MAEA: variants seen among roughly 807,000 people sequenced by gnomAD.
MAEA encodes the protein E3 ubiquitin-protein transferase MAEA.
In MAEA, 22 loss-of-function variants were observed where a neutral mutation model predicts 46.2. The observed-to-expected ratio is 0.48, with a 90% CI of 0.34 to 0.68. MAEA has a LOEUF of 0.68. MAEA is among the 30% of genes least tolerant of loss of function. The probability of loss-of-function intolerance (pLI) is 0.01; values close to 1 mark genes in which losing one functional copy is unlikely to be tolerated. For missense variants in MAEA, 393 were observed against 558.1 expected (o/e 0.70, Z 2.98); for synonymous variants, 246 against 222.6 (o/e 1.11, Z -0.94).
chr4:1,323,731 G>T, intron 4 of MAEA: 1 of 656,902 alleles, frequency 1.5e-6, no homozygotes, highest in South Asian at 1.6e-5. Flanking sequence ...GGGAAGATAG[G>T]TTCTTGGTGC....
rs909836381 is a variant in MAEA, at chr4:1,335,132, A to G, written c.766-1729A>G. 5.1e-6 allele frequency: 5 copies of G among 985,200 alleles called. No homozygotes were observed. The African/African-American group carries it at 8.7e-5, about 17-fold the overall frequency. The allele number at this position is 985,200 out of a possible 1,614,324, so 61.0% of individuals were successfully genotyped here. ...GCTCTCTCTCTTAAGTCTAAACCTG[A>G]GGTTATTTAGGGACAGACATTCATC... On this transcript the variant is annotated intron_variant, in intron 6 of 8. Transcript: ENST00000303400.
rs979459350 is a variant in MAEA at position 1,309,401 on chromosome 4, G to A, written c.70-2578G>A. On this transcript the variant is annotated intron_variant, in intron 1 of 8. Transcript: ENST00000303400. ...GGGAGCTTTTAGGGCCCGGAGTCAC[G>A]TGCTGAGTCCCCCGGAAGAGGAGGC... is the stretch of plus-strand genomic sequence containing the variant. The A allele has an allele frequency of 4.6e-5, 58 of 1,262,292 alleles. No individual in the cohort carries two copies. In the East Asian group the frequency reaches 1.7e-3, roughly 36 times the overall value. The allele number at this position is 1,262,292 out of a possible 1,614,324, so 78.2% of individuals were successfully genotyped here. A position where few individuals can be genotyped will look rare whatever the true frequency, so the allele number is the denominator to read the frequency against.
intron 4 of MAEA, 81 bp from the exon 5 acceptor site, chr4:1,327,546 G>A: frequency 2.2e-6 from 2 of 919,110 alleles, no homozygotes; most frequent in Non-Finnish European, 3.6e-6. Context: ...GGGTCTGCTG[G>A]TGGACATGCG....
chr4:1,317,835 C>G (rs1052737095), intron 3 of MAEA, among the ~76,000 whole-genome samples: 2 of 152,108 alleles, frequency 1.3e-5, no homozygotes, highest in Non-Finnish European at 2.9e-5. Flanking sequence ...GTTGAGTTTC[C>G]GAAGTCTCCA....
At chr4:1,298,042 C>T (rs868251936) in intron 1 of MAEA, 1 of 456,208 alleles carries the variant, frequency 2.2e-6, no homozygotes, top group African/African-American at 2.0e-5. Context: ...CCGGTTGCTG[C>T]CTGGAGTGGG....
At chr4:1,328,183 T>C (rs1251032379) in intron 5 of MAEA, among the ~76,000 whole-genome samples, 1 of 152,222 alleles carries the variant, frequency 6.6e-6, no homozygotes, top group Non-Finnish European at 1.5e-5. Flanking sequence ...TTCTCCGGCC[T>C]GTCTCCGACC....
At chr4:1,309,306 C>T (rs1038731735) in intron 1 of MAEA, 10 of 500,406 alleles carry the variant, frequency 2.0e-5, no homozygotes, top group African/African-American at 1.4e-4. Flanking sequence ...TCCACTCACT[C>T]GGTCACCAAA....
At chr4:1,290,614 G>T (rs1178324888) in intron 1 of MAEA, among the ~76,000 whole-genome samples, 1 of 152,210 alleles carries the variant, frequency 6.6e-6, no homozygotes. Context: ...GTTAGTAGAG[G>T]ATTTGATATG....
chr4:1,304,957 C>CT (rs1370323031), intron 1 of MAEA, among the ~76,000 whole-genome samples: 1 of 152,080 alleles, frequency 6.6e-6, no homozygotes, highest in Non-Finnish European at 1.5e-5. Context: ...TGGCTTTATC[C>CT]TTTTTTTATC....
chr4:1,327,606 T>C, intron 4 of MAEA, 21 bp from the exon 5 acceptor site: 1 of 1,600,506 alleles, frequency 6.2e-7, no homozygotes, highest in Non-Finnish European at 8.6e-7. Context: ...GTCTAAGCCC[T>C]CGTCTTGTCT....
Position 1,337,003 on chromosome 4 carries a change from C to T in MAEA, c.899+9C>T, listed in dbSNP as rs201892935. On this transcript the variant is annotated intron_variant, in intron 7 of 8. Coordinates refer to ENST00000303400, the MANE Select transcript of MAEA (RefSeq NM_001017405.3). ...TCAGCCATCAAGACACCGTATCCTA[C>T]CTCCCGTGCGCAGTGCGGTTTGGCC... 1.2e-5 allele frequency: 19 copies of T among 1,613,356 alleles called. No individual in the cohort carries two copies. In the East Asian group the frequency reaches 2.2e-4, roughly 19 times the overall value.
At chr4:1,298,129 T>A (rs1299581693) in intron 1 of MAEA, 2 of 453,876 alleles carry the variant, frequency 4.4e-6, no homozygotes, top group African/African-American at 2.0e-5. Flanking sequence ...CTGTTCCATA[T>A]GCCCCTCCTT....
intron 4 of MAEA, among the ~76,000 whole-genome samples, chr4:1,327,395 G>A (rs968989757): frequency 3.3e-5 from 5 of 152,236 alleles, no homozygotes; most frequent in African/African-American, 4.8e-5. Context: ...ACGCCCCACC[G>A]CAGCTGCAGG....
chr4:1,330,598 A>T (rs1186156579), intron 5 of MAEA: 4 of 152,076 alleles, frequency 2.6e-5, no homozygotes, highest in Non-Finnish European at 4.4e-5. Flanking sequence ...TACAGGCGTG[A>T]GCCACCGTGC....
At chr4:1,294,070 G>A (rs970783109) in intron 1 of MAEA, among the ~76,000 whole-genome samples, 1 of 152,202 alleles carries the variant, frequency 6.6e-6, no homozygotes, top group African/African-American at 2.4e-5. Context: ...TCTTAGGCCG[G>A]GTCTCCACCT....
chr4:1,326,656 A>T (rs1379122123), intron 4 of MAEA, among the ~76,000 whole-genome samples: 1 of 136,220 alleles, frequency 7.3e-6, no homozygotes, highest in Non-Finnish European at 1.5e-5. Flanking sequence ...TAGTGCCTTC[A>T]GCCAGCAGCC....
chr4:1,338,394 C>T, intron 7 of MAEA, 28 bp from the exon 8 acceptor site: 2 of 1,592,310 alleles, frequency 1.3e-6, no homozygotes, highest in Non-Finnish European at 1.7e-6. Context: ...CTGAGTGGCC[C>T]CCAACCCTTC....
In MAEA at chr4:1,332,872, C is replaced by T. The variant is rs376808968; in HGVS notation, c.765+7C>T. 2.2e-5 allele frequency: 35 copies of T among 1,600,706 alleles called. No homozygotes were observed. Among genetic ancestry groups the T allele is most frequent in the African/African-American group, 1.5e-4 (11 of 74,636 alleles). On this transcript the variant is annotated splice_region_variant and intron_variant, in intron 6 of 8. Coordinates refer to ENST00000303400, the MANE Select transcript of MAEA (RefSeq NM_001017405.3). ...GCACATCTCCCCGTACAAGGTAGGG[C>T]GTGCGTCCCTGGGGTCGGTGTCATG...
At position 1,338,623 on chromosome 4, in the gene MAEA, G is replaced by T; in HGVS notation, c.1095+6G>T. 2 of 1,598,076 alleles carry T rather than the reference G, an allele frequency of 1.3e-6. No individual in the cohort carries two copies. Among genetic ancestry groups the T allele is most frequent in the Non-Finnish European group, 8.5e-7 (1 of 1,172,848 alleles). On this transcript the variant is annotated splice_donor_region_variant and intron_variant, in intron 8 of 8. Transcript: ENST00000303400. The stretch of plus-strand genomic sequence containing the variant: ...GCTACGTCTACGGCTACAATGTGAG[G>T]GGGGCAGGGCAGGGGGGCCAGGCTG...
Sources: gnomAD v4.1 joint callset for allele counts (sites outside exome capture counted in the v4.1 genomes callset) on GRCh38, gnomAD v4.1.1 for gene constraint, MANE v1.5 for transcripts, NCBI Gene and HGNC (gene_info 2026-07-23, HGNC 2026-07-21) for gene names.